Variants in NOL10 observed in about 807,000 individuals in gnomAD.
The protein encoded by NOL10 is H_NH0074G24.1.
A neutral mutation model predicts 103.5 loss-of-function variants in NOL10; 58 were observed. The ratio of observed to expected loss-of-function variants is 0.56; its 90% confidence interval spans 0.45 to 0.70. The LOEUF is 0.70. Ranked by LOEUF, NOL10 falls within the 30% of genes least tolerant of loss-of-function variation. The pLI is 0.00. For missense variants in NOL10, 763 were observed against 807.3 expected (o/e 0.95, Z 0.67); for synonymous variants, 287 against 282.5 (o/e 1.02, Z -0.16).
rs1157112378 is a variant in NOL10, at chr2:10,587,064, T to TAC, written c.1844+1978_1844+1979insGT. On this transcript the variant is annotated intron_variant, in intron 19 of 20. Coordinates refer to ENST00000381685, the MANE Select transcript of NOL10 (RefSeq NM_024894.4). ...AAATGTATATATATATACATATATATATACATATATATACATATATATACA... is the reference window on the plus strand; with the variant it reads ...AAATGTATATATATATACATATATATACATACATATATATACATATATATACA... 1.5e-4 allele frequency among the ~76,000 whole-genome samples: 6 copies of TAC among 41,358 alleles called. 1 individual carries two copies. The highest frequency in any genetic ancestry group is 3.1e-4 in the Non-Finnish European group (6 of 19,304). 27.1% of individuals were successfully genotyped at this position (41,358 alleles called of 152,430 possible). A position where few individuals can be genotyped will look rare whatever the true frequency, so the allele number is the denominator to read the frequency against.
intron 11 of NOL10, among the ~76,000 whole-genome samples, chr2:10,655,104 G>A (rs1391055379): frequency 6.6e-6 from 1 of 151,878 alleles, no homozygotes; most frequent in Non-Finnish European, 1.5e-5. Flanking sequence ...CAGCTACTAG[G>A]GAGGCTGAGG....
chr2:10,647,390 G>A (rs1679157162), intron 12 of NOL10, among the ~76,000 whole-genome samples: 1 of 152,204 alleles, frequency 6.6e-6, no homozygotes, highest in African/African-American at 2.4e-5. Context: ...GGAAATAAGT[G>A]CAGAAATTGA....
intron 13 of NOL10, among the ~76,000 whole-genome samples, chr2:10,617,580 T>C (rs1421394964): frequency 1.3e-5 from 2 of 151,890 alleles, no homozygotes; most frequent in African/African-American, 2.4e-5. Flanking sequence ...AACAAAAAAA[T>C]TACAGGACAC....
At chr2:10,582,059 A>G (rs1277091503) in intron 19 of NOL10, among the ~76,000 whole-genome samples, 1 of 152,232 alleles carries the variant, frequency 6.6e-6, no homozygotes, top group Non-Finnish European at 1.5e-5. Context: ...GTATTCCTTG[A>G]GTAATACAAG....
intron 13 of NOL10, chr2:10,622,024 T>G (rs1677175389): frequency 2.1e-6 from 1 of 469,374 alleles, no homozygotes; most frequent in Non-Finnish European, 4.4e-6. Context: ...ACATTTCAAG[T>G]GCTCAACAGC....
intron 1 of NOL10, among the ~76,000 whole-genome samples, chr2:10,687,142 G>C (rs1366571020): frequency 6.9e-6 from 1 of 145,874 alleles, no homozygotes; most frequent in African/African-American, 2.4e-5. Context: ...GGGGTTCCAC[G>C]TGTAGTTTAG....
intron 19 of NOL10, among the ~76,000 whole-genome samples, chr2:10,588,592 T>C (rs372171308): frequency 1.2e-4 from 18 of 152,334 alleles, no homozygotes; most frequent in Admixed American, 5.2e-4. Flanking sequence ...AGAAAAGTTG[T>C]CATCTCCTAG....
At chr2:10,612,362 C>A (rs888291842) in intron 13 of NOL10, among the ~76,000 whole-genome samples, 2 of 152,118 alleles carry the variant, frequency 1.3e-5, no homozygotes, top group Non-Finnish European at 2.9e-5. Context: ...AATACAAATG[C>A]CATCATTTTT....
At chr2:10,615,465 C>T (rs1010384701) in intron 13 of NOL10, among the ~76,000 whole-genome samples, 4 of 152,284 alleles carry the variant, frequency 2.6e-5, no homozygotes, top group Admixed American at 2.6e-4. Context: ...CAGTCAAGGG[C>T]TAGCAGAGAC....
chr2:10,644,135 A>C (rs1383250422), intron 13 of NOL10, among the ~76,000 whole-genome samples, 185 bp downstream of exon 13: 1 of 152,150 alleles, frequency 6.6e-6, no homozygotes, highest in Non-Finnish European at 1.5e-5. Flanking sequence ...CTGTAATCCC[A>C]GCTACAGGAG....
chr2:10,681,393 T>C (rs1681743593), intron 3 of NOL10, among the ~76,000 whole-genome samples: 1 of 152,170 alleles, frequency 6.6e-6, no homozygotes. Context: ...TATGACTACA[T>C]TTATATTAAG....
At chr2:10,654,774 C>T (rs1422870898) in intron 11 of NOL10, among the ~76,000 whole-genome samples, 1 of 151,700 alleles carries the variant, frequency 6.6e-6, no homozygotes, top group Admixed American at 6.6e-5. Flanking sequence ...AAGAAGTGAC[C>T]TGTCCAAAAA....
At position 10,606,213 on chromosome 2, in the gene NOL10, A is replaced by T. The variant is rs1363611900; in HGVS notation, c.1153+972T>A. On this transcript the variant is annotated intron_variant, in intron 14 of 20. Coordinates refer to ENST00000381685, the MANE Select transcript of NOL10 (RefSeq NM_024894.4). ...GTTTACTACCACTGAAACTTCTGGC[A>T]ATGTACATTTATCTTTTTTTTTTTT... 1.1e-4 allele frequency among the ~76,000 whole-genome samples: 11 copies of T among 101,568 alleles called. No individual in the cohort carries two copies. In the Admixed American group the frequency reaches 1.2e-3, roughly 11 times the overall value. 66.6% of individuals were successfully genotyped at this position (101,568 alleles called of 152,430 possible).
intron 13 of NOL10, among the ~76,000 whole-genome samples, chr2:10,626,824 T>C (rs1677500823): frequency 6.6e-6 from 1 of 152,174 alleles, no homozygotes; most frequent in African/African-American, 2.4e-5. Flanking sequence ...AAAACAAACA[T>C]CATCTGATAC....
At chr2:10,679,166 C>T (rs1282055327) in intron 3 of NOL10, among the ~76,000 whole-genome samples, 1 of 151,936 alleles carries the variant, frequency 6.6e-6, no homozygotes, top group African/African-American at 2.4e-5. Flanking sequence ...TCAAGACCAG[C>T]CTGACCAACA....
At chr2:10,680,902 C>T (rs1156416860) in intron 3 of NOL10, among the ~76,000 whole-genome samples, 3 of 152,066 alleles carry the variant, frequency 2.0e-5, no homozygotes, top group Non-Finnish European at 4.4e-5. Flanking sequence ...TTTTTGATAA[C>T]GATAAATACT....
intron 9 of NOL10, among the ~76,000 whole-genome samples, chr2:10,660,255 G>C (rs1286510218): frequency 1.3e-5 from 2 of 152,132 alleles, no homozygotes; most frequent in Non-Finnish European, 2.9e-5. Flanking sequence ...ACTCTTCAAA[G>C]TATACTTAAT....
At chr2:10,641,530 T>G (rs188805452) in intron 13 of NOL10, among the ~76,000 whole-genome samples, 70 of 152,316 alleles carry the variant, frequency 4.6e-4, no homozygotes, top group African/African-American at 1.6e-3. Flanking sequence ...ATTGTTTGCA[T>G]GAACAAAAAA....
At chr2:10,683,079 G>C (rs1176063751) in intron 2 of NOL10, among the ~76,000 whole-genome samples, 1 of 152,148 alleles carries the variant, frequency 6.6e-6, no homozygotes, top group African/African-American at 2.4e-5. Context: ...CACTGTGCCT[G>C]ACCCAACCTC....
Sources: allele counts gnomAD v4.1 joint callset (sites outside exome capture counted in the v4.1 genomes callset), GRCh38; gene constraint gnomAD v4.1.1; transcripts MANE v1.5; gene names NCBI Gene and HGNC (gene_info 2026-07-23, HGNC 2026-07-21).